The following SGCZ variants were observed in gnomAD, a reference collection of about 807,000 sequenced individuals.
SGCZ encodes zeta-sarcoglycan.
Under a neutral mutation model 41.3 loss-of-function variants are expected in SGCZ, and 40 were observed. The observed-to-expected ratio is 0.97, with a 90% CI of 0.75 to 1.26. The LOEUF (loss-of-function observed/expected upper bound fraction) is 1.26. SGCZ is among the 50% of genes most tolerant of loss of function. SGCZ has a pLI of 0.00. For missense variants in SGCZ, 552 were observed against 369.8 expected, an observed-to-expected ratio of 1.49 and a Z score of -4.04; for synonymous variants, 206 against 137.5, an observed-to-expected ratio of 1.50 and a Z score of -3.49.
chr8:14,404,716 A>G (rs181419232), intron 2 of SGCZ, among the ~76,000 whole-genome samples: 81 of 152,286 alleles, frequency 5.3e-4, no homozygotes, highest in African/African-American at 1.9e-3. Context: ...ACTGACATAC[A>G]GGCCTGTCAT....
At chr8:14,681,408 G>A (rs960682666) in intron 1 of SGCZ, among the ~76,000 whole-genome samples, 3 of 152,102 alleles carry the variant, frequency 2.0e-5, no homozygotes, top group African/African-American at 7.2e-5. Context: ...AATAGAAATA[G>A]GACTTTTAGA....
chr8:14,726,524 G>T (rs1397298), intron 1 of SGCZ, among the ~76,000 whole-genome samples: 3 of 151,102 alleles, frequency 2.0e-5, no homozygotes, highest in African/African-American at 4.9e-5. Flanking sequence ...TTATGATAGA[G>T]GCACAGTATT....
chr8:15,132,422 C>T (rs774818533), intron 1 of SGCZ, among the ~76,000 whole-genome samples: 1 of 152,104 alleles, frequency 6.6e-6, no homozygotes, highest in East Asian at 1.9e-4. Context: ...TTCTTACAGC[C>T]GCCATCACAT....
intron 1 of SGCZ, among the ~76,000 whole-genome samples, chr8:15,069,409 C>CA (rs1554550306): frequency 6.6e-6 from 1 of 151,890 alleles, no homozygotes; most frequent in South Asian, 2.1e-4. Context: ...GTGAATATTG[C>CA]AAAAAAATGC....
At chr8:14,444,021 CA>C (rs1266578934) in intron 2 of SGCZ, among the ~76,000 whole-genome samples, 1 of 152,116 alleles carries the variant, frequency 6.6e-6, no homozygotes, top group East Asian at 1.9e-4. Flanking sequence ...AGACGCTTCT[CA>C]AAAGAAGACA....
At chr8:14,542,255 A>G (rs1183022729) in intron 2 of SGCZ, among the ~76,000 whole-genome samples, 3 of 152,054 alleles carry the variant, frequency 2.0e-5, no homozygotes, top group Admixed American at 2.0e-4. Context: ...TAGGGTTTTT[A>G]TAGTTTTCTT....
At chr8:15,004,780 T>G (rs532276574) in intron 1 of SGCZ, among the ~76,000 whole-genome samples, 1 of 152,238 alleles carries the variant, frequency 6.6e-6, no homozygotes, top group East Asian at 1.9e-4. Flanking sequence ...GGTGGAAAAC[T>G]AGTAAATTGT....
At chr8:14,999,779 G>A (rs906510986) in intron 1 of SGCZ, among the ~76,000 whole-genome samples, 10 of 152,178 alleles carry the variant, frequency 6.6e-5, no homozygotes, top group African/African-American at 2.2e-4. Context: ...CAACTCCCAT[G>A]CACCATGCAA....
intron 1 of SGCZ, among the ~76,000 whole-genome samples, chr8:15,012,585 C>T (rs796686251): frequency 3.4e-5 from 4 of 117,874 alleles, no homozygotes; most frequent in East Asian, 2.6e-4. Flanking sequence ...ATTTATATAA[C>T]ATATAAATAT....
intron 1 of SGCZ, among the ~76,000 whole-genome samples, chr8:15,164,003 T>C (rs1799584330): frequency 6.6e-6 from 1 of 152,174 alleles, no homozygotes; most frequent in Admixed American, 6.5e-5. Context: ...AACCTGGCAT[T>C]CCAATGGCCG....
chr8:14,399,413 A>G (rs1419234077), intron 2 of SGCZ, among the ~76,000 whole-genome samples: 2 of 152,132 alleles, frequency 1.3e-5, no homozygotes, highest in Non-Finnish European at 2.9e-5. Flanking sequence ...GTGATGCTCA[A>G]TCACACTTGA....
chr8:15,183,456 C>T (rs995220513), intron 1 of SGCZ, among the ~76,000 whole-genome samples: 12 of 152,196 alleles, frequency 7.9e-5, no homozygotes, highest in Non-Finnish European at 1.3e-4. Context: ...CCATCATTAA[C>T]CAAAACTTCA....
At chr8:14,857,585 C>G (rs1272973181) in intron 1 of SGCZ, among the ~76,000 whole-genome samples, 1 of 152,072 alleles carries the variant, frequency 6.6e-6, no homozygotes, top group Non-Finnish European at 1.5e-5. Flanking sequence ...AGATTTTAGC[C>G]AGGTGCAGTG....
chr8:14,384,375 G>A (rs769025058), intron 2 of SGCZ, among the ~76,000 whole-genome samples: 2 of 151,868 alleles, frequency 1.3e-5, no homozygotes, highest in African/African-American at 2.4e-5. Context: ...CCCAAATGTC[G>A]ACCAACGATA....
intron 3 of SGCZ, among the ~76,000 whole-genome samples, chr8:14,238,669 G>C (rs550877986): frequency 1.3e-5 from 2 of 152,150 alleles, no homozygotes; most frequent in East Asian, 3.9e-4. Flanking sequence ...AACCTAAGTA[G>C]GGTGATCATT....
At chr8:14,495,667 T>C (rs989923383) in intron 2 of SGCZ, among the ~76,000 whole-genome samples, 2 of 152,190 alleles carry the variant, frequency 1.3e-5, no homozygotes, top group African/African-American at 4.8e-5. Flanking sequence ...TTCATTAAGG[T>C]GAAAGACCAA....
intron 1 of SGCZ, among the ~76,000 whole-genome samples, chr8:15,102,059 T>C (rs1211043230): frequency 6.6e-6 from 1 of 152,158 alleles, no homozygotes; most frequent in East Asian, 1.9e-4. Flanking sequence ...CACTCCTATA[T>C]ATATGCCAAA....
rs528470767 is a variant in SGCZ at position 14,100,021 on chromosome 8, A to C, written c.744+2355T>G. Among the ~76,000 whole-genome samples, 15 of 152,308 alleles carry C rather than the reference A, an allele frequency of 9.8e-5. No individual in the cohort carries two copies. In the South Asian group the frequency reaches 3.1e-3, roughly 32 times the overall value. On this transcript the variant is annotated intron_variant, in intron 7 of 7. Coordinates refer to ENST00000382080, the MANE Select transcript of SGCZ (RefSeq NM_139167.4). The stretch of plus-strand genomic sequence containing the variant: ...TAAGTAGTTTAAAAACTATCTAAGG[A>C]TAAGGACTTTATATCCCTCTATATT...
At chr8:15,185,121 T>C (rs1008603926) in intron 1 of SGCZ, among the ~76,000 whole-genome samples, 2 of 152,186 alleles carry the variant, frequency 1.3e-5, no homozygotes, top group Non-Finnish European at 2.9e-5. Flanking sequence ...AGGGCAATTT[T>C]AATTGGGAAC....
Sources: gnomAD v4.1 joint callset for allele counts (sites outside exome capture counted in the v4.1 genomes callset) on GRCh38, gnomAD v4.1.1 for gene constraint, MANE v1.5 for transcripts, NCBI Gene and HGNC (gene_info 2026-07-23, HGNC 2026-07-21) for gene names.